Variants in STK11 observed in about 807,000 individuals in gnomAD.
STK11 encodes serine/threonine-protein kinase STK11.
A neutral mutation model predicts 47.3 loss-of-function variants in STK11; 8 were observed. The ratio of observed to expected loss-of-function variants is 0.17; its 90% CI spans 0.10 to 0.31. STK11 has a LOEUF of 0.31. Among genes scored for constraint, STK11 ranks in the 10% least tolerant of loss-of-function variants. STK11 has a pLI of 1.00. For synonymous variants in STK11, 330 were observed against 255.8 expected, an observed-to-expected ratio of 1.29 and a Z score of -2.77; for missense variants, 475 against 605.0, an observed-to-expected ratio of 0.79 and a Z score of 2.25.
chr19:1,218,641 G>A (rs984587196), intron 2 of STK11, 141 bp downstream of exon 2: 97 of 766,610 alleles, frequency 1.3e-4, no homozygotes, highest in Admixed American at 3.8e-4. Context: ...CTGGTTCCCC[G>A]GAAGTCAGCC....
chr19:1,213,008 T>C (rs1260419075), intron 1 of STK11, among the ~76,000 whole-genome samples: 2 of 141,622 alleles, frequency 1.4e-5, no homozygotes, highest in Non-Finnish European at 3.1e-5. Context: ...TTTTTTTTTT[T>C]TTTTTTGAGA....
At chr19:1,226,687 G>C in intron 9 of STK11, 24 bp downstream of exon 9, 1 of 1,467,340 alleles carries the variant, frequency 6.8e-7, no homozygotes, top group Non-Finnish European at 9.0e-7. Flanking sequence ...GGGCCCGGGT[G>C]GGGCATGTGG....
chr19:1,217,971 T>C (rs186546255), intron 1 of STK11, among the ~76,000 whole-genome samples: 6 of 152,246 alleles, frequency 3.9e-5, no homozygotes, highest in Non-Finnish European at 5.9e-5. Context: ...GGTGAAACCC[T>C]GTCTGTACTA....
rs1274940785 is a variant in STK11 at position 1,206,714 on chromosome 19, G to A, written c.-200G>A. The A allele has an allele frequency of 1.6e-5, 12 of 741,244 alleles. No homozygotes were observed. Among genetic ancestry groups the A allele is most frequent in the Non-Finnish European group, 2.1e-6 (1 of 476,854 alleles). The allele number at this position is 741,244 out of a possible 1,614,324, so 45.9% of individuals were successfully genotyped here. ...GGTCCGCAGACCCTGCACCGGGCTT[G>A]GACTCGCAGCCGGGACTGACGTGTA... is the stretch of plus-strand genomic sequence containing the variant. On this transcript the variant is annotated 5_prime_UTR_variant, in exon 1 of 10. Coordinates refer to ENST00000326873, the MANE Select transcript of STK11 (RefSeq NM_000455.5).
At chr19:1,218,601 G>A (rs2080760022) in intron 2 of STK11, 101 bp downstream of exon 2, 2 of 1,051,788 alleles carry the variant, frequency 1.9e-6, no homozygotes, top group Admixed American at 3.4e-5. Context: ...CTCCTTGAAG[G>A]AGACTGGCAC....
intron 8 of STK11, chr19:1,223,850 C>T (rs1404986735): frequency 3.9e-5 from 40 of 1,024,262 alleles, no homozygotes; most frequent in South Asian, 4.6e-5. Context: ...AGGGCTGGGC[C>T]GTGTCATAAA....
At chr19:1,208,773 G>A (rs1410404561) in intron 1 of STK11, among the ~76,000 whole-genome samples, 1 of 136,746 alleles carries the variant, frequency 7.3e-6, no homozygotes, top group Non-Finnish European at 1.5e-5. Flanking sequence ...GCCTGCCACA[G>A]TGCCCAGCTA....
Position 1,205,843 on chromosome 19 carries a change from G to C in STK11, c.-1071G>C, listed in dbSNP as rs1468788587. 1 of 206,202 alleles carries C rather than the reference G, an allele frequency of 4.8e-6. No individual in the cohort carries two copies. Among genetic ancestry groups the C allele is most frequent in the Non-Finnish European group, 9.9e-6 (1 of 100,768 alleles). 12.8% of individuals were successfully genotyped at this position (206,202 alleles called of 1,614,324 possible). ...GGGAGGCGGCCCGGGGCGCCCGCGA[G>C]TGAGGCGCGGGGCGGCGAAGGGAGC... On this transcript the variant is annotated 5_prime_UTR_variant, in exon 1 of 10. Transcript: ENST00000326873.
At chr19:1,217,969 C>T (rs1364051463) in intron 1 of STK11, among the ~76,000 whole-genome samples, 1 of 152,120 alleles carries the variant, frequency 6.6e-6, no homozygotes, top group African/African-American at 2.4e-5. Flanking sequence ...ATGGTGAAAC[C>T]CTGTCTGTAC....
chr19:1,214,431 G>A (rs2080731964), intron 1 of STK11, among the ~76,000 whole-genome samples: 1 of 152,224 alleles, frequency 6.6e-6, no homozygotes, highest in African/African-American at 2.4e-5. Flanking sequence ...TGTGTGTCCT[G>A]CTGCTGTGAA....
chr19:1,214,376 G>A (rs1215005518), intron 1 of STK11, among the ~76,000 whole-genome samples: 6 of 152,234 alleles, frequency 3.9e-5, no homozygotes, highest in Non-Finnish European at 5.9e-5. Context: ...CTTGGTCTAT[G>A]CTGACCTGCT....
At chr19:1,225,606 A>G (rs2080815378) in intron 8 of STK11, 56 of 985,178 alleles carry the variant, frequency 5.7e-5, no homozygotes, top group Non-Finnish European at 6.6e-5. Flanking sequence ...TCCTGTGCAC[A>G]TGGGGTGGGT....
intron 8 of STK11, chr19:1,225,431 G>A (rs1293789626): frequency 2.5e-5 from 20 of 796,658 alleles, no homozygotes; most frequent in South Asian, 1.1e-4. Flanking sequence ...CAGCATGCCC[G>A]GCTAATTTTT....
chr19:1,221,731 G>T (rs2080785885), intron 6 of STK11: 2 of 620,686 alleles, frequency 3.2e-6, no homozygotes, highest in African/African-American at 3.7e-5. Context: ...TGGCCGTCCA[G>T]CCCAGCCCTG....
chr19:1,206,677 C>G lies in STK11; in HGVS notation c.-237C>G. The G allele has an allele frequency of 5.3e-6, 3 of 569,030 alleles. No homozygotes were observed. Among genetic ancestry groups the G allele is most frequent in the Non-Finnish European group, 9.0e-6 (3 of 333,714 alleles). 35.2% of individuals were successfully genotyped at this position (569,030 alleles called of 1,614,324 possible). A position where few individuals can be genotyped will look rare whatever the true frequency, so the allele number is the denominator to read the frequency against. ...GCGTCTGAGCCGCCGTCCCGGACCC[C>G]CGGTGCCCGCCGGTCCGCAGACCCT... On this transcript the variant is annotated 5_prime_UTR_variant, in exon 1 of 10. Transcript: ENST00000326873.
In STK11 at chr19:1,210,655, A is replaced by G. The variant is rs57782778; in HGVS notation, c.290+3452A>G. Among the ~76,000 whole-genome samples, 619 of 145,660 alleles carry G rather than the reference A, an allele frequency of 4.2e-3. 8 individuals carry two copies. The East Asian group carries it at 0.045, about 11-fold the overall frequency. ...GAGGCCAAGGCGGGTGGATCACCCGAGGTTGGGAGTTAGCCTGACCAACAT... is the reference window on the plus strand; with the variant it reads ...GAGGCCAAGGCGGGTGGATCACCCGGGGTTGGGAGTTAGCCTGACCAACAT... On this transcript the variant is annotated intron_variant, in intron 1 of 9. Transcript: ENST00000326873.
At chr19:1,214,809 T>G (rs1204784221) in intron 1 of STK11, among the ~76,000 whole-genome samples, 1 of 152,120 alleles carries the variant, frequency 6.6e-6, no homozygotes, top group Non-Finnish European at 1.5e-5. Flanking sequence ...TCAGCTCCAC[T>G]GAGGAGGCTG....
chr19:1,210,216 A>G (rs916558100), intron 1 of STK11, among the ~76,000 whole-genome samples: 3 of 152,176 alleles, frequency 2.0e-5, no homozygotes, highest in Non-Finnish European at 4.4e-5. Flanking sequence ...AGTGCTGTCA[A>G]GGAGAAGGGG....
chr19:1,218,772 G>A lies in STK11; in HGVS notation c.374+272G>A, dbSNP rs74697381. Reference sequence around the variant, plus strand: ...GTCTCCTCCCAGGCTAACCAGGGGTGTAGCCACGGTCTGCCTGAGACAGGC... The same window carrying A: ...GTCTCCTCCCAGGCTAACCAGGGGTATAGCCACGGTCTGCCTGAGACAGGC... On this transcript the variant is annotated intron_variant, in intron 2 of 9. Coordinates refer to ENST00000326873, the MANE Select transcript of STK11 (RefSeq NM_000455.5). Among the ~76,000 whole-genome samples, 1,732 of 152,346 alleles carry A rather than the reference G, an allele frequency of 0.011. 50 individuals are homozygous for A. In the East Asian group the frequency reaches 0.13, roughly 11 times the overall value.
Sources: allele counts gnomAD v4.1 joint callset (sites outside exome capture counted in the v4.1 genomes callset), GRCh38; gene constraint gnomAD v4.1.1; transcripts MANE v1.5; gene names NCBI Gene and HGNC (gene_info 2026-07-23, HGNC 2026-07-21).